NLRP11: variants seen among roughly 807,000 people sequenced by gnomAD.
NLRP11 encodes NLR family pyrin domain containing 11, also known as NACHT, LRR and PYD domains-containing protein 11.
Under a neutral mutation model 79.3 loss-of-function variants are expected in NLRP11, and 53 were observed. That is an observed-to-expected ratio of 0.67 (90% CI 0.54 to 0.84). The LOEUF is 0.84. Ranked by LOEUF, NLRP11 falls within the 40% of genes least tolerant of loss-of-function variation. NLRP11 has a pLI of 0.00. For synonymous variants in NLRP11, 518 were observed against 462.6 expected (o/e 1.12, Z -1.54); for missense variants, 1,264 against 1,255.0 (o/e 1.01, Z -0.11).
chr19:55,802,428 T>G (rs1979568066), intron 4 of NLRP11, among the ~76,000 whole-genome samples: 1 of 151,964 alleles, frequency 6.6e-6, no homozygotes, highest in Non-Finnish European at 1.5e-5. Context: ...CCACAATTGC[T>G]CACAAAGAAT....
At chr19:55,790,014 TTC>T (rs1327624270) in intron 7 of NLRP11, among the ~76,000 whole-genome samples, 1 of 152,182 alleles carries the variant, frequency 6.6e-6, no homozygotes. Flanking sequence ...AGTTGGCTGT[TTC>T]TCTGTTAACA....
In NLRP11 at chr19:55,809,788, G is replaced by A. The variant is rs757488362; in HGVS notation, c.822C>T (p.Leu274=). ...TCCCACGTGTGGGCCTTGAGGAGAT[G>A]AGGAACCAGCAGCCTGGAGCCATTT... The change falls in exon 3 of 10, where the codon CTC becomes CTT. Residue 274 remains leucine, a synonymous_variant. Transcript: ENST00000589093. The surrounding 1 kb of genome is among the most constrained non-coding windows in gnomAD (Gnocchi z 4.5). The A allele has an allele frequency of 2.5e-6, 4 of 1,614,088 alleles. No homozygotes were observed. The Admixed American group carries it at 5.0e-5, about 20-fold the overall frequency.
At chr19:55,829,782 T>C (rs1282043176) in intron 1 of NLRP11, among the ~76,000 whole-genome samples, 1 of 151,970 alleles carries the variant, frequency 6.6e-6, no homozygotes, top group Non-Finnish European at 1.5e-5. Context: ...CTTAAACATA[T>C]TAGAGGGAAA....
chr19:55,789,314 TCTCCAGG>T lies in NLRP11; in HGVS notation c.2592_2598del (p.Ser864ArgfsTer7). ...GCATCTTCTATTTTGTTGCTCCCAA[TCTCCAGG>T]CTCCTCAGTTTTTCATTAGTAGCAA... is the stretch of plus-strand genomic sequence containing the variant. On this transcript the variant is annotated frameshift_variant, in exon 8 of 10. Transcript: ENST00000589093. LOFTEE classifies it high-confidence loss of function. 6.2e-7 allele frequency: 1 copy of T among 1,614,124 alleles called. No homozygotes were observed. The highest frequency in any genetic ancestry group is 8.5e-7 in the Non-Finnish European group (1 of 1,179,996).
intron 4 of NLRP11, among the ~76,000 whole-genome samples, chr19:55,805,881 T>C (rs1979942109): frequency 6.6e-6 from 1 of 152,150 alleles, no homozygotes; most frequent in African/African-American, 2.4e-5. Context: ...CAATTAGGCT[T>C]TTCTGCTCTC....
intron 4 of NLRP11, among the ~76,000 whole-genome samples, chr19:55,805,158 G>GA (rs1228768990): frequency 3.9e-5 from 6 of 152,134 alleles, no homozygotes; most frequent in Non-Finnish European, 8.8e-5. Flanking sequence ...AACCCCGGAA[G>GA]AACATTTCTC....
At chr19:55,796,198 G>C in exon 6 of NLRP11, 2 of 1,613,806 alleles carry the variant, frequency 1.2e-6, no homozygotes, top group Non-Finnish European at 1.7e-6. Context: ...CCACTGATGA[G>C]GAGAGAGGCG....
rs1443325918 is a variant in NLRP11, at chr19:55,821,249, A to ACACCC, written c.-62-3014_-62-3013insGGGTG. 4.5e-3 allele frequency among the ~76,000 whole-genome samples: 559 copies of ACACCC among 124,402 alleles called. 4 individuals carry two copies. The highest frequency in any genetic ancestry group is 0.015 in the African/African-American group (522 of 34,656). 81.6% of individuals were successfully genotyped at this position (124,402 alleles called of 152,430 possible). A position where few individuals can be genotyped will look rare whatever the true frequency, so the allele number is the denominator to read the frequency against. On this transcript the variant is annotated intron_variant, in intron 1 of 9. Coordinates refer to ENST00000589093, the Ensembl canonical transcript of NLRP11. ...CACACACACACACACACACACACACACCCCAAGCACTGAGTTTGTAATGAT... is the reference window on the plus strand; with the variant it reads ...CACACACACACACACACACACACACACACCCCCCCAAGCACTGAGTTTGTAATGAT...
intron 5 of NLRP11, among the ~76,000 whole-genome samples, chr19:55,800,106 T>G (rs1288053300): frequency 6.6e-6 from 1 of 152,124 alleles, no homozygotes; most frequent in Non-Finnish European, 1.5e-5. Flanking sequence ...AGCTTGAGAA[T>G]ACAGGAGGTG....
chr19:55,798,314 A>T, intron 5 of NLRP11: 1 of 985,122 alleles, frequency 1.0e-6, no homozygotes, highest in Non-Finnish European at 1.2e-6. Flanking sequence ...TCTATTTGGA[A>T]TGAAAGTGAA....
At chr19:55,829,729 T>C (rs1982569361) in intron 1 of NLRP11, among the ~76,000 whole-genome samples, 1 of 151,472 alleles carries the variant, frequency 6.6e-6, no homozygotes, top group South Asian at 2.1e-4. Context: ...AAACAGCGTT[T>C]ACAGAAGTAT....
chr19:55,822,656 G>T (rs992683798), intron 1 of NLRP11, among the ~76,000 whole-genome samples: 2 of 150,504 alleles, frequency 1.3e-5, no homozygotes, highest in East Asian at 1.9e-4. Flanking sequence ...GGTGACGGAC[G>T]CACCTGGAAA....
At chr19:55,818,981 C>T (rs545994632) in intron 1 of NLRP11, among the ~76,000 whole-genome samples, 2 of 152,134 alleles carry the variant, frequency 1.3e-5, no homozygotes, top group Admixed American at 1.3e-4. Context: ...AGAGCCTGCC[C>T]GCTTTGCATA....
chr19:55,811,057 G>T (rs1436182947), intron 2 of NLRP11, among the ~76,000 whole-genome samples: 3 of 152,128 alleles, frequency 2.0e-5, no homozygotes, highest in Non-Finnish European at 4.4e-5. Flanking sequence ...TCAGCTCAAA[G>T]TATCTATTAC....
intron 5 of NLRP11, among the ~76,000 whole-genome samples, chr19:55,799,227 A>C (rs541147736): frequency 6.6e-6 from 1 of 152,142 alleles, no homozygotes; most frequent in Non-Finnish European, 1.5e-5. Context: ...AGATCACCCC[A>C]CTGGACTCCA....
chr19:55,792,125 G>T (rs966571474), intron 7 of NLRP11, among the ~76,000 whole-genome samples, 176 bp downstream of exon 7: 1 of 152,162 alleles, frequency 6.6e-6, no homozygotes, highest in African/African-American at 2.4e-5. Flanking sequence ...TGAGCTAAAA[G>T]GTTTTGCCAA....
At chr19:55,827,635 C>T (rs970353920) in intron 1 of NLRP11, among the ~76,000 whole-genome samples, 3 of 132,582 alleles carry the variant, frequency 2.3e-5, no homozygotes, top group African/African-American at 1.0e-4. Context: ...CAAAAGAAGA[C>T]ATTTATGCAG....
At chr19:55,815,090 T>C (rs1568639386) in intron 2 of NLRP11, among the ~76,000 whole-genome samples, 2 of 151,790 alleles carry the variant, frequency 1.3e-5, no homozygotes, top group Non-Finnish European at 2.9e-5. Flanking sequence ...ATAGAGAACA[T>C]AGACAGAAAG....
chr19:55,829,538 G>A (rs867304039), intron 1 of NLRP11, among the ~76,000 whole-genome samples: 5 of 151,852 alleles, frequency 3.3e-5, no homozygotes, highest in Admixed American at 1.3e-4. Flanking sequence ...GTGGTGGCAC[G>A]CGCCTGTAGT....
Sources: allele counts gnomAD v4.1 joint callset (sites outside exome capture counted in the v4.1 genomes callset), GRCh38; gene constraint gnomAD v4.1.1; non-coding constraint Gnocchi (gnomAD v3.1); transcripts MANE v1.5; gene names NCBI Gene and HGNC (gene_info 2026-07-23, HGNC 2026-07-21).